ATP10B: variants seen among roughly 807,000 people sequenced by gnomAD.
ATP10B encodes ATPase phospholipid transporting 10B (putative).
A neutral mutation model predicts 141.2 loss-of-function variants in ATP10B; 122 were observed. That is an observed-to-expected ratio of 0.86 (90% CI 0.75 to 1.00). ATP10B has a LOEUF of 1.00. Ranked by LOEUF, ATP10B falls within the 50% of genes least tolerant of loss-of-function variation. ATP10B has a pLI of 0.00. For missense variants in ATP10B, 1,876 were observed against 1,825.3 expected, an observed-to-expected ratio of 1.03 and a Z score of -0.51; for synonymous variants, 685 against 692.0, an observed-to-expected ratio of 0.99 and a Z score of 0.16.
intron 7 of ATP10B, among the ~76,000 whole-genome samples, chr5:160,658,670 G>A (rs1263313713): frequency 1.3e-5 from 2 of 152,150 alleles, no homozygotes; most frequent in Non-Finnish European, 2.9e-5. Flanking sequence ...CTAGACATCA[G>A]GGAAGGTTGC....
the ATP10B span, among the ~76,000 whole-genome samples, chr5:160,878,048 G>A: frequency 5.9e-5 from 9 of 151,720 alleles, no homozygotes; most frequent in African/African-American, 2.2e-4. Flanking sequence ...AGTTCATATG[G>A]AACCAAAAAA....
chr5:160,899,585 C>T, the ATP10B span, among the ~76,000 whole-genome samples: 1 of 151,938 alleles, frequency 6.6e-6, no homozygotes, highest in Admixed American at 6.6e-5. Context: ...TCTCTCCCCC[C>T]AAAAAAGATT....
rs1754939602 is a variant in ATP10B at position 160,572,540 on chromosome 5, T to A, written c.3751-2857A>T. On this transcript the variant is annotated intron_variant, in intron 24 of 25. Coordinates refer to ENST00000327245, the MANE Select transcript of ATP10B (RefSeq NM_025153.3). ...GGCTTAATAGTGCTAAAAGAGTACTTTTTCTCTTTTAAAGCAGATGGCTTC... is the reference window on the plus strand; with the variant it reads ...GGCTTAATAGTGCTAAAAGAGTACTATTTCTCTTTTAAAGCAGATGGCTTC... 2.6e-5 allele frequency among the ~76,000 whole-genome samples: 4 copies of A among 152,322 alleles called. No individual in the cohort carries two copies. The South Asian group carries it at 8.3e-4, about 32-fold the overall frequency.
intron 22 of ATP10B, among the ~76,000 whole-genome samples, chr5:160,592,352 G>A (rs114556354): frequency 0.016 from 2,372 of 152,270 alleles, 28 homozygotes; most frequent in Middle Eastern, 0.075. Flanking sequence ...GAAAGGTATA[G>A]GATCCTTCTG....
chr5:160,838,381 G>T (rs1190465208), intron 1 of ATP10B, among the ~76,000 whole-genome samples: 1 of 152,128 alleles, frequency 6.6e-6, no homozygotes, highest in Admixed American at 6.6e-5. Context: ...TCACAGACAG[G>T]CCTGTCATCT....
rs138429106 is a variant in ATP10B, at chr5:160,755,058, T to C, written c.-331+30501A>G. On this transcript the variant is annotated intron_variant, in intron 2 of 25. Coordinates refer to ENST00000327245, the MANE Select transcript of ATP10B (RefSeq NM_025153.3). ...ATTGCTATAAAGAACTACCTGAGAC[T>C]GGGTAATTTATGAAGCAAAGAGGTT... Among the ~76,000 whole-genome samples the C allele has an allele frequency of 1.8e-3, 280 of 152,346 alleles. 2 individuals carry two copies. Among genetic ancestry groups the C allele is most frequent in the African/African-American group, 6.3e-3 (263 of 41,594 alleles).
chr5:160,748,303 A>G (rs1212213399), intron 2 of ATP10B, among the ~76,000 whole-genome samples: 1 of 152,204 alleles, frequency 6.6e-6, no homozygotes, highest in African/African-American at 2.4e-5. Flanking sequence ...TGAAGCTTAG[A>G]CAGGCGGTAT....
the ATP10B span, among the ~76,000 whole-genome samples, chr5:160,884,597 T>C: frequency 6.6e-6 from 1 of 152,190 alleles, no homozygotes; most frequent in Non-Finnish European, 1.5e-5. Context: ...CTCAGAGTTT[T>C]AGGCAGGCGT....
chr5:160,867,597 G>A, the ATP10B span, among the ~76,000 whole-genome samples: 2 of 152,054 alleles, frequency 1.3e-5, no homozygotes, highest in African/African-American at 2.4e-5. Flanking sequence ...AGATAAGCAT[G>A]TATCCATATG....
At chr5:160,866,783 C>T in the ATP10B span, among the ~76,000 whole-genome samples, 3 of 151,990 alleles carry the variant, frequency 2.0e-5, no homozygotes, top group Non-Finnish European at 4.4e-5. Flanking sequence ...ATATTGGGTA[C>T]AGTATACACT....
At chr5:160,704,064 T>C (rs1031059071) in intron 3 of ATP10B, among the ~76,000 whole-genome samples, 2 of 152,108 alleles carry the variant, frequency 1.3e-5, no homozygotes, top group African/African-American at 2.4e-5. Context: ...CTCACTGCAG[T>C]CTTAAACTCC....
At chr5:160,679,106 T>A (rs887437419) in intron 6 of ATP10B, among the ~76,000 whole-genome samples, 21 of 152,338 alleles carry the variant, frequency 1.4e-4, no homozygotes, top group African/African-American at 5.1e-4. Flanking sequence ...ATTAGTGACA[T>A]AACCAGGATC....
At chr5:160,822,624 C>T (rs1161490182) in intron 1 of ATP10B, among the ~76,000 whole-genome samples, 1 of 152,038 alleles carries the variant, frequency 6.6e-6, no homozygotes, top group African/African-American at 2.4e-5. Flanking sequence ...TATCTAGCAA[C>T]AGGTGAATGG....
chr5:160,824,719 A>G (rs1774442166), intron 1 of ATP10B, among the ~76,000 whole-genome samples: 1 of 150,626 alleles, frequency 6.6e-6, no homozygotes, highest in Non-Finnish European at 1.5e-5. Context: ...TAAAACAGGA[A>G]GAGTAAAAAT....
intron 21 of ATP10B, among the ~76,000 whole-genome samples, chr5:160,600,126 T>G (rs945460255): frequency 6.6e-6 from 1 of 152,284 alleles, no homozygotes; most frequent in South Asian, 2.1e-4. Flanking sequence ...CACTATAGAT[T>G]GTCCTAACAA....
chr5:160,916,032 G>A, the ATP10B span, among the ~76,000 whole-genome samples: 1 of 152,140 alleles, frequency 6.6e-6, no homozygotes, highest in African/African-American at 2.4e-5. Flanking sequence ...ATAGAAACAG[G>A]GAGTAGGATG....
intron 6 of ATP10B, among the ~76,000 whole-genome samples, chr5:160,675,588 G>A (rs903836612): frequency 5.3e-5 from 8 of 152,130 alleles, no homozygotes; most frequent in African/African-American, 1.7e-4. Flanking sequence ...GTTAACTTGT[G>A]GAACTTCCCA....
At chr5:160,908,853 CCTT>C in the ATP10B span, among the ~76,000 whole-genome samples, 5 of 152,214 alleles carry the variant, frequency 3.3e-5, no homozygotes, top group African/African-American at 1.2e-4. Context: ...CATCAACACT[CCTT>C]CTGTCCTCTC....
chr5:160,817,804 T>G (rs1351729770), intron 1 of ATP10B, among the ~76,000 whole-genome samples: 1 of 152,102 alleles, frequency 6.6e-6, no homozygotes, highest in Non-Finnish European at 1.5e-5. Flanking sequence ...AACAGAGATA[T>G]AGACCAATGG....
Sources: allele counts gnomAD v4.1 joint callset (sites outside exome capture counted in the v4.1 genomes callset), GRCh38; gene constraint gnomAD v4.1.1; transcripts MANE v1.5; gene names NCBI Gene and HGNC (gene_info 2026-07-23, HGNC 2026-07-21).